The following ZIC1 variants were observed in gnomAD, a reference collection of about 807,000 sequenced individuals.
ZIC1 encodes the protein zinc finger protein ZIC 1.
In ZIC1, 4 loss-of-function variants were observed where a neutral mutation model predicts 30.9. The observed-to-expected ratio is 0.13, with a 90% CI of 0.06 to 0.30. ZIC1 has a LOEUF of 0.30. ZIC1 is among the 10% of genes least tolerant of loss of function. The probability of loss-of-function intolerance (pLI) is 1.00; values close to 1 mark genes in which losing one functional copy is unlikely to be tolerated. For missense variants in ZIC1, 441 were observed against 639.3 expected (o/e 0.69, Z 3.34); for synonymous variants, 305 against 277.5 (o/e 1.10, Z -0.98).
At position 147,413,445 on chromosome 3, in the gene ZIC1, C is replaced by T; in HGVS notation, c.1238C>T (p.Ser413Phe). Residue 413 changes from serine (S) to phenylalanine (F), a missense_variant, in exon 3 of 3, where the codon TCC becomes TTC. By Grantham distance (155) the Ser-to-Phe change is radical. This residue lies in a region of ZIC1 where 56 missense variants were observed against 52.5 expected (regional missense o/e 1.07). Coordinates refer to ENST00000282928, the MANE Select transcript of ZIC1 (RefSeq NM_003412.4). ...SSTPPTIVSP[S>F]TDNPTTSSLS... ...ACGCCTCCCACCATCGTGTCTCCCTCCACAGACAACCCGACCACAAGCTCC... is the reference window on the plus strand; with the variant it reads ...ACGCCTCCCACCATCGTGTCTCCCTTCACAGACAACCCGACCACAAGCTCC... The T allele has an allele frequency of 6.2e-7, 1 of 1,614,222 alleles. No homozygotes were observed. The highest frequency in any genetic ancestry group is 8.5e-7 in the Non-Finnish European group (1 of 1,180,048).
Position 147,410,622 on chromosome 3 carries a change from C to A in ZIC1, c.510C>A (p.Asp170Glu), listed in dbSNP as rs2107993033. The change falls in exon 1 of 3, where the codon GAC becomes GAA. Residue 170 changes from aspartate (D) to glutamate (E), a missense_variant. Around this residue, in one of 5 missense-constraint regions of ZIC1, gnomAD observed 307 missense variants for 355.3 expected, o/e 0.86. Coordinates refer to ENST00000282928, the MANE Select transcript of ZIC1 (RefSeq NM_003412.4). ...AGATGAGGCTCGGCTTCTCGGGGGA[C>A]ATGTACCCGCGACCGGAGCAGTACG... ...NGQMRLGFSG[D>E]MYPRPEQYGQ... 4.3e-6 allele frequency: 7 copies of A among 1,613,442 alleles called. No homozygotes were observed. Among genetic ancestry groups the A allele is most frequent in the Non-Finnish European group, 5.9e-6 (7 of 1,179,902 alleles).
intron 1 of ZIC1, among the ~76,000 whole-genome samples, chr3:147,411,826 G>GT (rs1198501825): frequency 6.8e-6 from 1 of 146,610 alleles, no homozygotes; most frequent in African/African-American, 2.5e-5. Context: ...GTCCGGAACA[G>GT]TTAAAAAAAA....
intron 2 of ZIC1, 58 bp downstream of exon 2, chr3:147,412,739 TG>T: frequency 6.3e-7 from 1 of 1,575,066 alleles, no homozygotes; most frequent in Non-Finnish European, 8.6e-7. Context: ...GCTCTCGGCT[TG>T]GGGTCGGGCG....
At chr3:147,411,225 G>A in intron 1 of ZIC1, 131 bp downstream of exon 1, 1 of 1,274,496 alleles carries the variant, frequency 7.8e-7, no homozygotes, top group Non-Finnish European at 1.1e-6. Context: ...AGGCAGGCAG[G>A]GAAAGTGTGC....
In ZIC1 at chr3:147,412,644, C is replaced by G; in HGVS notation, c.1109C>G (p.Ser370Cys). 2 of 1,614,106 alleles carry G rather than the reference C, an allele frequency of 1.2e-6. No individual in the cohort carries two copies. Among genetic ancestry groups the G allele is most frequent in the Non-Finnish European group, 1.7e-6 (2 of 1,179,964 alleles). The change falls in exon 2 of 3, where the codon TCC becomes TGC. Residue 370 changes from serine (S) to cysteine (C), a missense_variant. Ser to Cys is a moderately radical substitution (Grantham distance 112). Transcript: ENST00000282928. ...TATCTTTGCAAGATGTGCGACAAGT[C>G]CTACACGCATCCCAGTTCGCTGCGC... ...KPYLCKMCDK[S>C]YTHPSSLRKH... is the part of the protein sequence containing the mutation.
At chr3:147,413,221 C>A (rs2087397525) in intron 2 of ZIC1, 133 bp from the exon 3 acceptor site, 1 of 934,476 alleles carries the variant, frequency 1.1e-6, no homozygotes, top group Non-Finnish European at 1.6e-6. Context: ...CCCAAAGTCC[C>A]GCTGATCGGG....
Position 147,410,553 on chromosome 3 carries a change from C to T in ZIC1, c.441C>T (p.His147=), listed in dbSNP as rs769578968. 1.9e-6 allele frequency: 3 copies of T among 1,611,104 alleles called. No homozygotes were observed. The South Asian group carries it at 3.3e-5, about 18-fold the overall frequency. The part of the protein sequence containing the change: ...AAGHLLFPGL[H]EQAAGHASPN... Reference sequence around the variant, plus strand: ...GCCACCTCCTCTTCCCCGGGCTTCACGAGCAGGCTGCCGGCCACGCGTCGC... The same window carrying T: ...GCCACCTCCTCTTCCCCGGGCTTCATGAGCAGGCTGCCGGCCACGCGTCGC... Residue 147 remains histidine (H), a synonymous_variant, in exon 1 of 3, where the codon CAC becomes CAT. Coordinates refer to ENST00000282928, the MANE Select transcript of ZIC1 (RefSeq NM_003412.4).
rs2087348291 is a variant in ZIC1 at position 147,409,895 on chromosome 3, C to T, written c.-218C>T. On this transcript the variant is annotated 5_prime_UTR_variant, in exon 1 of 3. Transcript: ENST00000282928. The stretch of plus-strand genomic sequence containing the variant: ...GCCTGCGTTACTCGCGGCCCGCAGC[C>T]GTCCGGCTACTTTGCGTTTGGCCCG... 1.9e-6 allele frequency: 1 copy of T among 533,514 alleles called. No homozygotes were observed. The highest frequency in any genetic ancestry group is 4.0e-5 in the Admixed American group (1 of 25,124). The allele number at this position is 533,514 out of a possible 1,614,324, so 33.0% of individuals were successfully genotyped here. A position where few individuals can be genotyped will look rare whatever the true frequency, so the allele number is the denominator to read the frequency against.
intron 2 of ZIC1, 140 bp downstream of exon 2, chr3:147,412,821 G>C: frequency 9.3e-7 from 1 of 1,074,696 alleles, no homozygotes; most frequent in Non-Finnish European, 1.3e-6. Context: ...AGTGGAACTG[G>C]GCAGAGAAGG....
rs2087425523 is a variant in ZIC1, at chr3:147,415,460, G to A, written c.*1909G>A. 1.3e-5 allele frequency: 2 copies of A among 152,666 alleles called. No homozygotes were observed. The highest frequency in any genetic ancestry group is 4.1e-4 in the South Asian group (2 of 4,836). The allele number at this position is 152,666 out of a possible 1,614,324, so 9.5% of individuals were successfully genotyped here. ...TTGCAAGCTATGCTGCTTCCATGAA[G>A]TTAGCTGCGCTGGTAGGAACGCAGG... On this transcript the variant is annotated 3_prime_UTR_variant, in exon 3 of 3. Transcript: ENST00000282928.
chr3:147,411,410 T>C (rs908045964), intron 1 of ZIC1, among the ~76,000 whole-genome samples: 2 of 152,326 alleles, frequency 1.3e-5, no homozygotes, highest in African/African-American at 4.8e-5. Flanking sequence ...AGAAAGTGGC[T>C]GGCTCCCGGC....
In ZIC1 at chr3:147,414,714, G is replaced by A. The variant is rs968223368; in HGVS notation, c.*1163G>A. ...AAACGTGATAAATGAATGCTACCCT[G>A]CTGGCTCTCCGAGAGAGTGTAATTA... On this transcript the variant is annotated 3_prime_UTR_variant, in exon 3 of 3. Coordinates refer to ENST00000282928, the MANE Select transcript of ZIC1 (RefSeq NM_003412.4). 1 of 152,584 alleles carries A rather than the reference G, an allele frequency of 6.6e-6. No homozygotes were observed. The highest frequency in any genetic ancestry group is 2.4e-5 in the African/African-American group (1 of 41,428). 9.5% of individuals were successfully genotyped at this position (152,584 alleles called of 1,614,324 possible). A position where few individuals can be genotyped will look rare whatever the true frequency, so the allele number is the denominator to read the frequency against.
Position 147,412,113 on chromosome 3 carries a change from A to T in ZIC1, c.983-405A>T, listed in dbSNP as rs1190597290. Among the ~76,000 whole-genome samples the T allele has an allele frequency of 5.3e-5, 8 of 150,770 alleles. No homozygotes were observed. In the East Asian group the frequency reaches 1.2e-3, roughly 22 times the overall value. On this transcript the variant is annotated intron_variant, in intron 1 of 2. Transcript: ENST00000282928. ...GACCAGGGGATGCGGAGCGTCGGGG[A>T]GGGGGCAGGGGGAGGAGAGAAAAGC...
rs2087420728 is a variant in ZIC1 at position 147,414,859 on chromosome 3, A to G, written c.*1308A>G. 6.5e-6 allele frequency: 1 copy of G among 152,704 alleles called. No individual in the cohort carries two copies. Among genetic ancestry groups the G allele is most frequent in the South Asian group, 2.1e-4 (1 of 4,832 alleles). The allele number at this position is 152,704 out of a possible 1,614,324, so 9.5% of individuals were successfully genotyped here. A position where few individuals can be genotyped will look rare whatever the true frequency, so the allele number is the denominator to read the frequency against. On this transcript the variant is annotated 3_prime_UTR_variant, in exon 3 of 3. Coordinates refer to ENST00000282928, the MANE Select transcript of ZIC1 (RefSeq NM_003412.4). ...AATAGATTGCACAGGCGACATCAATATTAATGTAGACGAATTGTCAGAAGC... is the reference window on the plus strand; with the variant it reads ...AATAGATTGCACAGGCGACATCAATGTTAATGTAGACGAATTGTCAGAAGC...
intron 1 of ZIC1, among the ~76,000 whole-genome samples, chr3:147,411,716 G>T (rs902346689): frequency 3.3e-5 from 5 of 152,092 alleles, no homozygotes; most frequent in African/African-American, 1.2e-4. Flanking sequence ...GAGAAAGTCC[G>T]AGGAAGGCAA....
Position 147,411,019 on chromosome 3 carries a change from C to T in ZIC1, c.907C>T (p.Pro303Ser). The T allele has an allele frequency of 6.2e-7, 1 of 1,614,212 alleles. No homozygotes were observed. The highest frequency in any genetic ancestry group is 8.5e-7 in the Non-Finnish European group (1 of 1,180,044). ...CGTGCACACGGGCGAGAAGCCCTTT[C>T]CCTGCCCCTTCCCTGGCTGTGGCAA... ...IRVHTGEKPF[P>S]CPFPGCGKVF... The change falls in exon 1 of 3, where the codon CCC becomes TCC. Residue 303 changes from proline (P) to serine (S), a missense_variant. By Grantham distance (74) the Pro-to-Ser change is moderately conservative (BLOSUM62 -1). Coordinates refer to ENST00000282928, the MANE Select transcript of ZIC1 (RefSeq NM_003412.4).
rs1576471350 is a variant in ZIC1 at position 147,414,728 on chromosome 3, A to T, written c.*1177A>T. On this transcript the variant is annotated 3_prime_UTR_variant, in exon 3 of 3. Coordinates refer to ENST00000282928, the MANE Select transcript of ZIC1 (RefSeq NM_003412.4). ...AATGCTACCCTGCTGGCTCTCCGAG[A>T]GAGTGTAATTAGTATTTATATCAAA... The T allele has an allele frequency of 6.6e-6, 1 of 152,620 alleles. No homozygotes were observed. The highest frequency in any genetic ancestry group is 1.5e-5 in the Non-Finnish European group (1 of 68,042). The allele number at this position is 152,620 out of a possible 1,614,324, so 9.5% of individuals were successfully genotyped here.
chr3:147,410,673 G>A lies in ZIC1; in HGVS notation c.561G>A (p.Glu187=). The change falls in exon 1 of 3, where the codon GAG becomes GAA. Residue 187 remains glutamate, a synonymous_variant. Transcript: ENST00000282928. The stretch of plus-strand genomic sequence containing the variant: ...GCCAGGTGACCAGCCCGCGTTCGGA[G>A]CACTATGCTGCGCCGCAGCTGCACG... ...QYGQVTSPRS[E]HYAAPQLHGY... 5.6e-6 allele frequency: 9 copies of A among 1,613,902 alleles called. No homozygotes were observed. Among genetic ancestry groups the A allele is most frequent in the Non-Finnish European group, 7.6e-6 (9 of 1,179,952 alleles).
chr3:147,412,382 G>A, intron 1 of ZIC1, 136 bp from the exon 2 acceptor site: 1 of 948,816 alleles, frequency 1.1e-6, no homozygotes, highest in African/African-American at 1.7e-5. Context: ...TTGACGTTCC[G>A]GGTTTTTAAG....
Sources: allele counts gnomAD v4.1 joint callset (sites outside exome capture counted in the v4.1 genomes callset), GRCh38; gene constraint gnomAD v4.1.1; regional missense constraint gnomAD v4.1.1; transcripts MANE v1.5; gene names NCBI Gene and HGNC (gene_info 2026-07-23, HGNC 2026-07-21).